Variants in WDFY4 observed in about 807,000 individuals in gnomAD.
WDFY4 encodes the protein WD repeat- and FYVE domain-containing protein 4.
In WDFY4, 169 loss-of-function variants were observed where a neutral mutation model predicts 351.9. The ratio of observed to expected loss-of-function variants is 0.48; its 90% CI spans 0.42 to 0.55. WDFY4 has a LOEUF of 0.55. Among genes scored for constraint, WDFY4 ranks in the 20% least tolerant of loss-of-function variants. The pLI, the probability that WDFY4 is intolerant of heterozygous loss-of-function variation, is 0.00. For synonymous variants in WDFY4, 1,622 were observed against 1,574.6 expected (o/e 1.03, Z -0.71); for missense variants, 3,803 against 3,935.6 (o/e 0.97, Z 0.90).
intron 1 of WDFY4, among the ~76,000 whole-genome samples, chr10:48,685,713 T>TC (rs1554972431): frequency 1.3e-5 from 2 of 151,998 alleles, no homozygotes; most frequent in East Asian, 3.9e-4. Context: ...ATCTAAAGTG[T>TC]GGGGGGGCTG....
chr10:48,882,144 C>T (rs1396635803), intron 43 of WDFY4, among the ~76,000 whole-genome samples: 3 of 152,172 alleles, frequency 2.0e-5, no homozygotes, highest in Non-Finnish European at 4.4e-5. Flanking sequence ...CCTGGGTCTG[C>T]TCACATGCCT....
At chr10:48,726,146 C>A in intron 6 of WDFY4, 76 bp downstream of exon 6, 1 of 1,449,680 alleles carries the variant, frequency 6.9e-7, no homozygotes, top group Admixed American at 2.3e-5. Flanking sequence ...AGGCTGAGGG[C>A]CCACTTTCTA....
intron 57 of WDFY4, among the ~76,000 whole-genome samples, chr10:48,973,854 G>A (rs1842436705): frequency 6.6e-6 from 1 of 152,208 alleles, no homozygotes; most frequent in Admixed American, 6.5e-5. Context: ...CCAAACCTGA[G>A]GACCAAGACC....
rs765227075 is a variant in WDFY4, at chr10:48,950,472, G to A, written c.7977+3503G>A. 2.6e-5 allele frequency among the ~76,000 whole-genome samples: 4 copies of A among 152,142 alleles called. No homozygotes were observed. In the East Asian group the frequency reaches 5.8e-4, roughly 22 times the overall value. ...TTCCTCCCTCTGATGACAATGAAGGGTGCTGCTGTGAACACTGCTGTGCCT... is the reference window on the plus strand; with the variant it reads ...TTCCTCCCTCTGATGACAATGAAGGATGCTGCTGTGAACACTGCTGTGCCT... On this transcript the variant is annotated intron_variant, in intron 51 of 61. Coordinates refer to ENST00000325239, the MANE Select transcript of WDFY4 (RefSeq NM_001394531.1).
chr10:48,748,466 C>T (rs2940733), intron 12 of WDFY4, among the ~76,000 whole-genome samples: 28,243 of 152,070 alleles, frequency 0.19, 3,620 homozygotes, highest in Non-Finnish European at 0.29. Context: ...TGTGCACACA[C>T]GTGTGTGTGT....
chr10:48,957,856 G>A (rs141171173), intron 52 of WDFY4, among the ~76,000 whole-genome samples: 5 of 152,336 alleles, frequency 3.3e-5, no homozygotes, highest in African/African-American at 4.8e-5. Flanking sequence ...AGGAGACCAC[G>A]GTGGGTAGCT....
intron 23 of WDFY4, among the ~76,000 whole-genome samples, chr10:48,791,955 T>C (rs2066696679): frequency 1.3e-5 from 2 of 152,208 alleles, no homozygotes; most frequent in South Asian, 4.1e-4. Context: ...CCACATCACA[T>C]ATCTGGTGGT....
chr10:48,707,938 C>A (rs907899757), intron 1 of WDFY4, among the ~76,000 whole-genome samples: 1 of 152,026 alleles, frequency 6.6e-6, no homozygotes, highest in Non-Finnish European at 1.5e-5. Context: ...GTTAGCCCCC[C>A]AAAAGAAACA....
In WDFY4 at chr10:48,957,124, C is replaced by T. The variant is rs1439932550; in HGVS notation, c.7978-5C>T. On this transcript the variant is annotated splice_region_variant and splice_polypyrimidine_tract_variant and intron_variant, in intron 51 of 61. Transcript: ENST00000325239. ...GGCTGGTCATGTTGGCTCCATTTCC[C>T]CCAGGGCGGAAGCTTCGACGTGGCA... is the stretch of plus-strand genomic sequence containing the variant. 6.5e-6 allele frequency: 10 copies of T among 1,548,180 alleles called. No homozygotes were observed. The highest frequency in any genetic ancestry group is 7.9e-6 in the Non-Finnish European group (9 of 1,144,568).
At chr10:48,883,249 C>CCCCTGGTCCACTGTGGCCTTAT (rs2070324967) in intron 43 of WDFY4, among the ~76,000 whole-genome samples, 1 of 152,224 alleles carries the variant, frequency 6.6e-6, no homozygotes, top group Non-Finnish European at 1.5e-5. Context: ...GCCTGGAGGG[C>CCCCTGGTCCACTGTGGCCTTAT]CCCTGGTCCA....
At chr10:48,827,189 G>A (rs1244282129) in intron 36 of WDFY4, among the ~76,000 whole-genome samples, 6 of 152,022 alleles carry the variant, frequency 3.9e-5, no homozygotes, top group Non-Finnish European at 8.8e-5. Context: ...GGCAGAAAAT[G>A]CCAACATTAG....
At position 48,807,950 on chromosome 10, in the gene WDFY4, G is replaced by T. The variant is rs1394227583; in HGVS notation, c.4830G>T (p.Leu1610=). The T allele has an allele frequency of 1.3e-6, 2 of 1,543,186 alleles. No individual in the cohort carries two copies. Among genetic ancestry groups the T allele is most frequent in the East Asian group, 5.0e-5 (2 of 40,324 alleles). The change falls in exon 28 of 62, where the codon CTG becomes CTT. Residue 1610 remains leucine (L), a synonymous_variant. Coordinates refer to ENST00000325239, the MANE Select transcript of WDFY4 (RefSeq NM_001394531.1). Reference sequence around the variant, plus strand: ...TAATATCTTCCCCCCAGCTTCATCTGTCCTCTGAGTAAGTAGCTCCAGGAA... The same window carrying T: ...TAATATCTTCCCCCCAGCTTCATCTTTCCTCTGAGTAAGTAGCTCCAGGAA... ...LSVISSPQLH[L]SSESKEEMFL...
chr10:48,937,087 T>A (rs1041551322), intron 47 of WDFY4, among the ~76,000 whole-genome samples: 1 of 151,488 alleles, frequency 6.6e-6, no homozygotes, highest in Non-Finnish European at 1.5e-5. Context: ...AGAGACGAGG[T>A]TTTTCCATGT....
intron 2 of WDFY4, 147 bp downstream of exon 2, chr10:48,710,113 G>A (rs1185714587): frequency 1.8e-5 from 13 of 714,222 alleles, no homozygotes; most frequent in Non-Finnish European, 2.9e-5. Context: ...GTCTGCTAGG[G>A]CCACTATAAC....
intron 47 of WDFY4, among the ~76,000 whole-genome samples, chr10:48,940,515 C>A (rs988021737): frequency 1.3e-5 from 2 of 152,208 alleles, no homozygotes; most frequent in Non-Finnish European, 2.9e-5. Flanking sequence ...CTGGGACACA[C>A]GGGCAGCCAG....
At position 48,813,940 on chromosome 10, in the gene WDFY4, C is replaced by T. The variant is rs749511831; in HGVS notation, c.5215-17C>T. ...AGTAGCCGCAGGTCTGCTTACAGCT[C>T]CTGCCTCCTCTTCCAGGACAGCCTT... On this transcript the variant is annotated splice_polypyrimidine_tract_variant and intron_variant, in intron 30 of 61. Coordinates refer to ENST00000325239, the MANE Select transcript of WDFY4 (RefSeq NM_001394531.1). 3 of 1,525,906 alleles carry T rather than the reference C, an allele frequency of 2.0e-6. No homozygotes were observed. The highest frequency in any genetic ancestry group is 2.5e-5 in the East Asian group (1 of 40,324). 94.5% of individuals were successfully genotyped at this position (1,525,906 alleles called of 1,614,324 possible). A position where few individuals can be genotyped will look rare whatever the true frequency, so the allele number is the denominator to read the frequency against.
chr10:48,739,690 A>G (rs1373210095), intron 11 of WDFY4, among the ~76,000 whole-genome samples: 1 of 152,204 alleles, frequency 6.6e-6, no homozygotes, highest in Non-Finnish European at 1.5e-5. Flanking sequence ...CATTTTAGAT[A>G]ATGACTCTGA....
chr10:48,696,958 G>A (rs2063346969), intron 1 of WDFY4, among the ~76,000 whole-genome samples: 1 of 152,254 alleles, frequency 6.6e-6, no homozygotes, highest in Non-Finnish European at 1.5e-5. Context: ...AGGTTAGGAA[G>A]AGATGGAGCT....
chr10:48,796,548 C>T, intron 24 of WDFY4, 98 bp downstream of exon 24: 2 of 1,447,676 alleles, frequency 1.4e-6, no homozygotes, highest in Non-Finnish European at 1.8e-6. Flanking sequence ...CAGCTTCCCT[C>T]ATAGTCATGA....
Sources: gnomAD v4.1 joint callset for allele counts (sites outside exome capture counted in the v4.1 genomes callset) on GRCh38, gnomAD v4.1.1 for gene constraint, MANE v1.5 for transcripts, NCBI Gene and HGNC (gene_info 2026-07-23, HGNC 2026-07-21) for gene names.